GALNT13: variants seen among roughly 807,000 people sequenced by gnomAD.
GALNT13 encodes the protein polypeptide N-acetylgalactosaminyltransferase 13, also known as UDP-GalNAc:polypeptide N-acetylgalactosaminyltransferase 13.
In GALNT13, 28 loss-of-function variants were observed where a neutral mutation model predicts 64.2. The ratio of observed to expected loss-of-function variants is 0.44; its 90% confidence interval spans 0.32 to 0.60. The LOEUF (loss-of-function observed/expected upper bound fraction) is 0.60, where lower values mean the gene tolerates loss of function less well. Among genes scored for constraint, GALNT13 ranks in the 20% least tolerant of loss-of-function variants. GALNT13 has a pLI of 0.05. For synonymous variants in GALNT13, 214 were observed against 224.6 expected, an observed-to-expected ratio of 0.95 and a Z score of 0.42; for missense variants, 577 against 669.8, an observed-to-expected ratio of 0.86 and a Z score of 1.53.
chr2:154,074,339 G>C (rs1052289642), intron 3 of GALNT13, among the ~76,000 whole-genome samples: 1 of 151,850 alleles, frequency 6.6e-6, no homozygotes, highest in Non-Finnish European at 1.5e-5. Context: ...AGAGCCAGTC[G>C]ACTGGTATAA....
chr2:153,408,014 G>A, the GALNT13 span, among the ~76,000 whole-genome samples: 2 of 152,206 alleles, frequency 1.3e-5, no homozygotes, highest in East Asian at 3.8e-4. Context: ...ACCCCCCAGA[G>A]TAGTGCAACA....
intron 8 of GALNT13, among the ~76,000 whole-genome samples, chr2:154,270,199 A>G (rs914635812): frequency 6.6e-6 from 1 of 151,644 alleles, no homozygotes; most frequent in Admixed American, 6.6e-5. Flanking sequence ...CAATAACTAC[A>G]TTCCTCTATT....
chr2:153,554,656 A>ATG, the GALNT13 span, among the ~76,000 whole-genome samples: 5,238 of 146,222 alleles, frequency 0.036, 99 homozygotes, highest in South Asian at 0.051. Flanking sequence ...GATGCTGTAT[A>ATG]TGTGTGTGTG....
chr2:154,350,856 T>TAGA (rs373617128), intron 9 of GALNT13, among the ~76,000 whole-genome samples: 2 of 152,174 alleles, frequency 1.3e-5, no homozygotes, highest in Non-Finnish European at 2.9e-5. Flanking sequence ...ACTTCACACT[T>TAGA]ACAGCAGGTG....
chr2:154,249,430 C>T (rs144811877), intron 7 of GALNT13, among the ~76,000 whole-genome samples: 3 of 152,170 alleles, frequency 2.0e-5, no homozygotes, highest in African/African-American at 7.2e-5. Flanking sequence ...GTGGTGTGGA[C>T]CTCTAGAAAG....
the GALNT13 span, among the ~76,000 whole-genome samples, chr2:153,402,706 C>G: frequency 6.6e-6 from 1 of 152,180 alleles, no homozygotes; most frequent in African/African-American, 2.4e-5. Flanking sequence ...ACCCTTTCTT[C>G]CTGTTGATCG....
At chr2:153,514,126 CTT>C in the GALNT13 span, among the ~76,000 whole-genome samples, 1 of 152,162 alleles carries the variant, frequency 6.6e-6, no homozygotes, top group African/African-American at 2.4e-5. Flanking sequence ...TTTCTTAACA[CTT>C]TTATTTTCAT....
At chr2:153,822,283 G>GA in the GALNT13 span, among the ~76,000 whole-genome samples, 1 of 151,744 alleles carries the variant, frequency 6.6e-6, no homozygotes, top group African/African-American at 2.4e-5. Flanking sequence ...CACAACAATA[G>GA]AAAAAAACAG....
the GALNT13 span, among the ~76,000 whole-genome samples, chr2:153,847,260 G>A: frequency 4.6e-5 from 7 of 151,956 alleles, no homozygotes; most frequent in African/African-American, 1.4e-4. Context: ...AAAGAATTAC[G>A]AGATTTGAGT....
intron 1 of GALNT13, among the ~76,000 whole-genome samples, chr2:153,885,972 A>G (rs944154681): frequency 1.3e-5 from 2 of 152,022 alleles, no homozygotes. Context: ...AAAAATAATC[A>G]TAGTTAGCTT....
chr2:153,586,600 C>T, the GALNT13 span, among the ~76,000 whole-genome samples: 1 of 152,142 alleles, frequency 6.6e-6, no homozygotes, highest in East Asian at 1.9e-4. Context: ...GAGACTTCAA[C>T]ACCCCAATCA....
chr2:153,363,805 A>G, the GALNT13 span, among the ~76,000 whole-genome samples: 1 of 152,196 alleles, frequency 6.6e-6, no homozygotes, highest in Admixed American at 6.5e-5. Context: ...ATTCTACCAG[A>G]GCTACAAAGA....
the GALNT13 span, among the ~76,000 whole-genome samples, chr2:153,861,473 A>C: frequency 3.9e-5 from 6 of 152,054 alleles, no homozygotes. Context: ...TTGTTCATTT[A>C]CTATTTTCTA....
the GALNT13 span, among the ~76,000 whole-genome samples, chr2:153,699,884 C>T: frequency 2.6e-5 from 4 of 152,100 alleles, no homozygotes; most frequent in South Asian, 2.1e-4. Context: ...AGGACTAGAT[C>T]GATTCACAGC....
At position 153,942,256 on chromosome 2, in the gene GALNT13, C is replaced by T. The variant is rs186783634; in HGVS notation, c.-104-2138C>T. On this transcript the variant is annotated intron_variant, in intron 2 of 12. Coordinates refer to ENST00000392825, the MANE Select transcript of GALNT13 (RefSeq NM_052917.4). ...GAGAAGCAAGATACCTACCTAAGGT[C>T]ATCCCTTTATTTGATGACAGAGCCA... Among the ~76,000 whole-genome samples the T allele has an allele frequency of 3.9e-3, 592 of 152,254 alleles. 2 individuals carry two copies. Among genetic ancestry groups the T allele is most frequent in the African/African-American group, 0.014 (567 of 41,552 alleles).
intron 9 of GALNT13, among the ~76,000 whole-genome samples, chr2:154,341,897 A>G (rs770480501): frequency 6.6e-6 from 1 of 152,070 alleles, no homozygotes; most frequent in Non-Finnish European, 1.5e-5. Flanking sequence ...TGTATTCGAG[A>G]TATATTTCCC....
intron 4 of GALNT13, among the ~76,000 whole-genome samples, chr2:154,189,375 A>C (rs1686437196): frequency 6.7e-6 from 1 of 149,560 alleles, no homozygotes; most frequent in Admixed American, 6.7e-5. Context: ...AAAAGTAATT[A>C]GGTTATTAGG....
At chr2:154,314,962 G>C (rs1694247020) in intron 9 of GALNT13, among the ~76,000 whole-genome samples, 1 of 151,976 alleles carries the variant, frequency 6.6e-6, no homozygotes, top group Non-Finnish European at 1.5e-5. Context: ...AATATAATTT[G>C]AGTTCACATC....
At chr2:153,529,006 C>T in the GALNT13 span, among the ~76,000 whole-genome samples, 1 of 151,472 alleles carries the variant, frequency 6.6e-6, no homozygotes, top group Non-Finnish European at 1.5e-5. Context: ...GAAATGCATC[C>T]TCAACAACTA....
Sources: allele counts gnomAD v4.1 joint callset (sites outside exome capture counted in the v4.1 genomes callset), GRCh38; gene constraint gnomAD v4.1.1; transcripts MANE v1.5; gene names NCBI Gene and HGNC (gene_info 2026-07-23, HGNC 2026-07-21).